The following ZZEF1 variants were observed in gnomAD, a reference collection of about 807,000 sequenced individuals.
ZZEF1 encodes zinc finger ZZ-type and EF-hand domain-containing protein 1.
Under a neutral mutation model 342.8 loss-of-function variants are expected in ZZEF1, and 157 were observed. The observed-to-expected ratio is 0.46, with a 90% CI of 0.40 to 0.52. The LOEUF is 0.52. Among genes scored for constraint, ZZEF1 ranks in the 20% least tolerant of loss-of-function variants. The pLI is 0.00. For synonymous variants in ZZEF1, 1,505 were observed against 1,429.1 expected (o/e 1.05, Z -1.20); for missense variants, 3,480 against 3,725.6 (o/e 0.93, Z 1.72).
chr17:4,009,751 C>A lies in ZZEF1; in HGVS notation c.8586G>T (p.Leu2862=). Reference sequence around the variant, plus strand: ...GGGGCTTCAACAGCGCAAGGTCACACAGGTCACTGCAGGAGGAGCCCCGGA... The same window carrying A: ...GGGGCTTCAACAGCGCAAGGTCACAAAGGTCACTGCAGGAGGAGCCCCGGA... ...RIVRCCGHSD[L]CDLALLKPLW... Residue 2862 remains leucine (L), a synonymous_variant, in exon 53 of 55, where the codon CTG becomes CTT. Transcript: ENST00000381638. 6.2e-7 allele frequency: 1 copy of A among 1,613,952 alleles called. No individual in the cohort carries two copies. Among genetic ancestry groups the A allele is most frequent in the East Asian group, 2.2e-5 (1 of 44,874 alleles).
At chr17:4,067,371 G>GT (rs2057421312) in intron 26 of ZZEF1, 129 bp from the exon 27 acceptor site, 1 of 571,274 alleles carries the variant, frequency 1.8e-6, no homozygotes, top group South Asian at 3.3e-5. Flanking sequence ...ATTGAGGATG[G>GT]TAAGAGAGAC....
chr17:4,057,123 G>A (rs550619700), intron 32 of ZZEF1, among the ~76,000 whole-genome samples: 20 of 152,282 alleles, frequency 1.3e-4, no homozygotes, highest in African/African-American at 4.3e-4. Flanking sequence ...TCGGTGCCAC[G>A]GGGGCTTGCT....
rs938930177 is a variant in ZZEF1, at chr17:4,142,944, C to T, written c.-49G>A. ...GCTCTGCAGCCGCCGCCGCCGCCTCCCCGCCTCGACCTGTCAACCTCCGAC... is the reference window on the plus strand; with the variant it reads ...GCTCTGCAGCCGCCGCCGCCGCCTCTCCGCCTCGACCTGTCAACCTCCGAC... On this transcript the variant is annotated 5_prime_UTR_variant, in exon 1 of 55. Transcript: ENST00000381638. 3.1e-6 allele frequency: 4 copies of T among 1,300,936 alleles called. No individual in the cohort carries two copies. Among genetic ancestry groups the T allele is most frequent in the Non-Finnish European group, 3.9e-6 (4 of 1,028,410 alleles). The allele number at this position is 1,300,936 out of a possible 1,614,324, so 80.6% of individuals were successfully genotyped here. A position where few individuals can be genotyped will look rare whatever the true frequency, so the allele number is the denominator to read the frequency against.
intron 15 of ZZEF1, among the ~76,000 whole-genome samples, 157 bp downstream of exon 15, chr17:4,086,307 CCCACAGCGGCAATCCCTTTCTG>C (rs2057820395): frequency 1.4e-5 from 2 of 140,008 alleles, no homozygotes; most frequent in Non-Finnish European, 1.5e-5. Flanking sequence ...CTGGGGGATT[CCCACAGCGGCAATCCCTTTCTG>C]GGGGATTCCC....
chr17:4,032,343 A>C, intron 41 of ZZEF1, 85 bp from the exon 42 acceptor site: 1 of 1,436,622 alleles, frequency 7.0e-7, no homozygotes, highest in South Asian at 1.3e-5. Context: ...GCCCCCTTTG[A>C]TTGTGCCTCT....
chr17:4,039,630 TAGAA>T (rs1250993831), intron 39 of ZZEF1, among the ~76,000 whole-genome samples: 2 of 148,340 alleles, frequency 1.3e-5, no homozygotes, highest in South Asian at 2.1e-4. Context: ...GGAAGGCACA[TAGAA>T]AGAGAACTTT....
rs117107794 is a variant in ZZEF1, at chr17:4,079,998, C to T, written c.2829+1378G>A. Reference sequence around the variant, plus strand: ...CAAAATCTCCTCCAGCTCTCTGGTTCCCATATTTAGCCCAAAGAGATAGTT... The same window carrying T: ...CAAAATCTCCTCCAGCTCTCTGGTTTCCATATTTAGCCCAAAGAGATAGTT... On this transcript the variant is annotated intron_variant, in intron 18 of 54. Coordinates refer to ENST00000381638, the MANE Select transcript of ZZEF1 (RefSeq NM_015113.4). Among the ~76,000 whole-genome samples, 1,203 of 152,294 alleles carry T rather than the reference C, an allele frequency of 7.9e-3. 9 individuals are homozygous for T. The highest frequency in any genetic ancestry group is 0.012 in the Non-Finnish European group (837 of 68,014).
chr17:4,032,386 C>A, intron 41 of ZZEF1, 128 bp from the exon 42 acceptor site: 1 of 1,032,584 alleles, frequency 9.7e-7, no homozygotes. Flanking sequence ...TAGGGATCTT[C>A]TCATCTCTAA....
At chr17:4,132,921 A>C (rs974070661) in intron 1 of ZZEF1, among the ~76,000 whole-genome samples, 12 of 152,066 alleles carry the variant, frequency 7.9e-5, no homozygotes, top group Non-Finnish European at 1.6e-4. Context: ...AGCTGAGATC[A>C]CGCCACTGCA....
intron 37 of ZZEF1, 128 bp downstream of exon 37, chr17:4,049,580 C>T: frequency 1.9e-6 from 2 of 1,038,512 alleles, no homozygotes; most frequent in Non-Finnish European, 2.8e-6. Context: ...TTTGATGGAG[C>T]AGGCATGTGA....
chr17:4,032,389 A>G (rs1233400453), intron 41 of ZZEF1, 131 bp from the exon 42 acceptor site: 8 of 1,002,454 alleles, frequency 8.0e-6, no homozygotes, highest in Non-Finnish European at 1.1e-5. Context: ...GGATCTTCTC[A>G]TCTCTAAGTC....
intron 26 of ZZEF1, 61 bp from the exon 27 acceptor site, chr17:4,067,303 T>A: frequency 1.5e-6 from 2 of 1,376,610 alleles, no homozygotes; most frequent in Non-Finnish European, 2.0e-6. Flanking sequence ...ACTGCAACAT[T>A]AAGCACAAAA....
intron 2 of ZZEF1, among the ~76,000 whole-genome samples, chr17:4,123,426 A>T (rs2058522204): frequency 6.6e-6 from 1 of 151,526 alleles, no homozygotes; most frequent in South Asian, 2.1e-4. Context: ...TAGCTTTCTT[A>T]AAAAACCACT....
intron 11 of ZZEF1, among the ~76,000 whole-genome samples, chr17:4,093,578 G>A (rs1164661771): frequency 6.6e-6 from 1 of 152,192 alleles, no homozygotes; most frequent in African/African-American, 2.4e-5. Flanking sequence ...CAGACAGGTA[G>A]CATCAGAATC....
intron 1 of ZZEF1, among the ~76,000 whole-genome samples, chr17:4,129,766 G>A (rs2058634383): frequency 6.6e-6 from 1 of 151,958 alleles, no homozygotes; most frequent in Non-Finnish European, 1.5e-5. Flanking sequence ...GAACCCAGGA[G>A]GTGGAGAAAA....
rs752719707 is a variant in ZZEF1, at chr17:4,142,628, G to A, written c.268C>T (p.Arg90Cys). 2 of 1,605,118 alleles carry A rather than the reference G, an allele frequency of 1.2e-6. No homozygotes were observed. Among genetic ancestry groups the A allele is most frequent in the Non-Finnish European group, 8.5e-7 (1 of 1,179,590 alleles). The change falls in exon 1 of 55, where the codon CGC becomes TGC. Residue 90 changes from arginine (R) to cysteine (C), a missense_variant. By Grantham distance (180) the Arg-to-Cys change is radical. Transcript: ENST00000381638. ...TCCAGAGTGACAGACTCTTCGCCGC[G>A]GCCCAGCCGCTCTTCCAGCCAGCGA... ...LFRWLEERLGRGEESVTLEQF... is the reference protein window; with the variant it reads ...LFRWLEERLGCGEESVTLEQF...
chr17:4,137,780 A>G (rs113811551), intron 1 of ZZEF1, among the ~76,000 whole-genome samples: 1 of 152,250 alleles, frequency 6.6e-6, no homozygotes, highest in African/African-American at 2.4e-5. Flanking sequence ...GTATGCTCTA[A>G]GTGCCAAAGG....
chr17:4,018,922 G>A (rs2056189618), intron 46 of ZZEF1, among the ~76,000 whole-genome samples: 1 of 148,850 alleles, frequency 6.7e-6, no homozygotes, highest in South Asian at 2.1e-4. Flanking sequence ...GAGAACGCTG[G>A]GATTGCTGGG....
At position 4,076,958 on chromosome 17, in the gene ZZEF1, C is replaced by T. The variant is rs530051843; in HGVS notation, c.3021G>A (p.Ala1007=). 57 of 1,613,928 alleles carry T rather than the reference C, an allele frequency of 3.5e-5. No homozygotes were observed. The highest frequency in any genetic ancestry group is 3.0e-4 in the South Asian group (27 of 91,006). ...ACTGTGAGAAAAGGGATTCCAAAAT[C>T]GCTCTCATGCTTGCCAGAAACTGGC... ...YVGQFLASMR[A]ILESLFSQYS... is the part of the protein sequence containing the mutation. The change falls in exon 20 of 55, where the codon GCG becomes GCA. Residue 1007 remains alanine, a synonymous_variant. Transcript: ENST00000381638.
Sources: allele counts gnomAD v4.1 joint callset (sites outside exome capture counted in the v4.1 genomes callset), GRCh38; gene constraint gnomAD v4.1.1; transcripts MANE v1.5; gene names NCBI Gene and HGNC (gene_info 2026-07-23, HGNC 2026-07-21).